NCEH1: variants seen among roughly 807,000 people sequenced by gnomAD.
NCEH1 encodes 2-acetyl MAGE hydrolase.
In NCEH1, 9 loss-of-function variants were observed where a neutral mutation model predicts 25.4. The observed-to-expected ratio is 0.35, with a 90% CI of 0.21 to 0.62. NCEH1 has a LOEUF of 0.62. Ranked by LOEUF, NCEH1 falls within the 20% of genes least tolerant of loss-of-function variation. NCEH1 has a pLI of 0.72. For missense variants in NCEH1, 412 were observed against 501.1 expected (o/e 0.82, Z 1.70); for synonymous variants, 200 against 199.8 (o/e 1.00, Z -0.01).
intron 1 of NCEH1, among the ~76,000 whole-genome samples, chr3:172,703,647 G>T (rs1713825360): frequency 6.6e-6 from 1 of 151,874 alleles, no homozygotes; most frequent in Non-Finnish European, 1.5e-5. Flanking sequence ...TCACAGAAAT[G>T]TCTCAGATCA....
intron 1 of NCEH1, among the ~76,000 whole-genome samples, chr3:172,694,923 C>T (rs2108531976): frequency 6.6e-6 from 1 of 152,250 alleles, no homozygotes; most frequent in East Asian, 1.9e-4. Flanking sequence ...CCTATATTTC[C>T]TTTACTTATT....
At chr3:172,664,835 G>A (rs1286239622) in intron 1 of NCEH1, among the ~76,000 whole-genome samples, 2 of 152,104 alleles carry the variant, frequency 1.3e-5, no homozygotes, top group African/African-American at 4.8e-5. Flanking sequence ...CCTCTATGCT[G>A]TTTATTCTAG....
chr3:172,653,199 G>T (rs1717495316), intron 1 of NCEH1, among the ~76,000 whole-genome samples: 2 of 152,128 alleles, frequency 1.3e-5, no homozygotes. Flanking sequence ...GATGGAAGGG[G>T]ATAAAGGGTA....
intron 1 of NCEH1, among the ~76,000 whole-genome samples, chr3:172,670,134 A>G (rs1334357606): frequency 3.3e-5 from 5 of 152,202 alleles, no homozygotes; most frequent in African/African-American, 1.2e-4. Flanking sequence ...GACATGACCT[A>G]ATGATTCTCA....
chr3:172,695,500 A>T (rs1713303942), intron 1 of NCEH1, among the ~76,000 whole-genome samples: 1 of 152,120 alleles, frequency 6.6e-6, no homozygotes, highest in Admixed American at 6.5e-5. Flanking sequence ...TAGAATTTTG[A>T]CTCTGCCACT....
chr3:172,653,767 T>TTTTTTTTGTTTGTTTG (rs1560186672), intron 1 of NCEH1, among the ~76,000 whole-genome samples: 4 of 84,794 alleles, frequency 4.7e-5, no homozygotes, highest in Non-Finnish European at 4.8e-5. Context: ...TTTGTTTTTT[T>TTTTTTTTGTTTGTTTG]TTTTTTTTGA....
At chr3:172,649,931 G>T (rs1012173447) in intron 1 of NCEH1, among the ~76,000 whole-genome samples, 2 of 152,188 alleles carry the variant, frequency 1.3e-5, no homozygotes, top group African/African-American at 4.8e-5. Context: ...CAAATTACAT[G>T]AGTTTCTTTA....
chr3:172,649,066 G>A (rs1447788856), intron 1 of NCEH1, among the ~76,000 whole-genome samples: 1 of 152,106 alleles, frequency 6.6e-6, no homozygotes, highest in Non-Finnish European at 1.5e-5. Context: ...TATGATGTCT[G>A]CGATGTGGCA....
intron 1 of NCEH1, among the ~76,000 whole-genome samples, chr3:172,695,597 T>C (rs973586448): frequency 4.6e-5 from 7 of 152,186 alleles, no homozygotes; most frequent in African/African-American, 1.4e-4. Flanking sequence ...ATAGTACTTA[T>C]GTAACAAGGT....
chr3:172,704,863 C>A (rs535915093), intron 1 of NCEH1, among the ~76,000 whole-genome samples: 1 of 152,306 alleles, frequency 6.6e-6, no homozygotes, highest in South Asian at 2.1e-4. Flanking sequence ...CAGCTTCCAG[C>A]TTTTTAATAG....
intron 1 of NCEH1, chr3:172,703,007 A>G (rs1713783034): frequency 6.6e-6 from 1 of 152,086 alleles, no homozygotes; most frequent in African/African-American, 2.4e-5. Context: ...AAAAAATAAA[A>G]AGTAAAAAAC....
chr3:172,636,222 GAAA>G (rs1245759432), intron 3 of NCEH1, 135 bp from the exon 4 acceptor site: 1 of 496,662 alleles, frequency 2.0e-6, no homozygotes, highest in East Asian at 3.0e-5. Flanking sequence ...GTATGAAAAA[GAAA>G]AAATAATAAA....
intron 1 of NCEH1, among the ~76,000 whole-genome samples, chr3:172,678,203 G>C (rs982028510): frequency 6.6e-6 from 1 of 152,318 alleles, no homozygotes; most frequent in African/African-American, 2.4e-5. Flanking sequence ...CTGGTTAGCA[G>C]GAGTTTTGCC....
At chr3:172,685,027 G>A (rs924398385) in intron 1 of NCEH1, among the ~76,000 whole-genome samples, 8 of 151,664 alleles carry the variant, frequency 5.3e-5, no homozygotes, top group African/African-American at 9.7e-5. Flanking sequence ...CAGGCCTAGC[G>A]GCTTACACTT....
intron 1 of NCEH1, among the ~76,000 whole-genome samples, chr3:172,697,315 A>G (rs969403464): frequency 6.6e-6 from 1 of 152,158 alleles, no homozygotes; most frequent in Non-Finnish European, 1.5e-5. Context: ...GCCAAAACCC[A>G]ATTCAACATA....
rs113455181 is a variant in NCEH1, at chr3:172,705,053, G to A, written c.138+5794C>T. ...CAGAAAGTCTTTTTAAAAGAAATTCGATTTTTCTCATAAAGCAAATACTAA... is the reference window on the plus strand; with the variant it reads ...CAGAAAGTCTTTTTAAAAGAAATTCAATTTTTCTCATAAAGCAAATACTAA... On this transcript the variant is annotated intron_variant, in intron 1 of 4. Transcript: ENST00000475381. 7.8e-3 allele frequency among the ~76,000 whole-genome samples: 1,186 copies of A among 152,248 alleles called. 11 individuals are homozygous for A. Among genetic ancestry groups the A allele is most frequent in the South Asian group, 0.044 (210 of 4,824 alleles).
At chr3:172,702,642 T>C (rs529258343) in intron 1 of NCEH1, among the ~76,000 whole-genome samples, 5 of 152,226 alleles carry the variant, frequency 3.3e-5, no homozygotes, top group Admixed American at 6.5e-5. Flanking sequence ...TTTCACAATA[T>C]GACACACCTT....
intron 1 of NCEH1, among the ~76,000 whole-genome samples, chr3:172,690,249 C>T (rs763146566): frequency 2.6e-5 from 4 of 152,060 alleles, no homozygotes; most frequent in African/African-American, 7.2e-5. Context: ...AGAGTATGAA[C>T]GCAGGAATTA....
At position 172,633,849 on chromosome 3, in the gene NCEH1, G is replaced by C. The variant is rs767277622; in HGVS notation, c.853C>G (p.Arg285Gly). The change falls in exon 5 of 5, where the codon CGT becomes GGT. Residue 285 changes from arginine to glycine, a missense_variant. By Grantham distance (125) the Arg-to-Gly change is moderately radical (BLOSUM62 -2). Coordinates refer to ENST00000475381, the MANE Select transcript of NCEH1 (RefSeq NM_020792.6). ...GGCAAGAGGGATGTCCAGTTTAGAC[G>C]GGCCCTGACAGCAGCAGCCTCTTCC... is the stretch of plus-strand genomic sequence containing the variant. ...DVEEAAAVRA[R>G]LNWTSLLPAS... The C allele has an allele frequency of 6.2e-7, 1 of 1,614,176 alleles. No homozygotes were observed. The highest frequency in any genetic ancestry group is 1.1e-5 in the South Asian group (1 of 91,074).
Sources: gnomAD v4.1 joint callset for allele counts (sites outside exome capture counted in the v4.1 genomes callset) on GRCh38, gnomAD v4.1.1 for gene constraint, MANE v1.5 for transcripts, NCBI Gene and HGNC (gene_info 2026-07-23, HGNC 2026-07-21) for gene names.